Variants in DST observed in about 807,000 individuals in gnomAD.
The protein encoded by DST is dystonin, also known as bullous pemphigoid antigen.
DST carries 253 observed loss-of-function variants against 875.2 expected under a neutral mutation model. The observed-to-expected ratio is 0.29, with a 90% CI of 0.26 to 0.32. The LOEUF (loss-of-function observed/expected upper bound fraction) is 0.32. DST is among the 10% of genes least tolerant of loss of function. The probability of loss-of-function intolerance (pLI) is 1.00; values close to 1 mark genes in which losing one functional copy is unlikely to be tolerated. For missense variants in DST, 8,287 were observed against 9,111.6 expected, an observed-to-expected ratio of 0.91 and a Z score of 3.68; for synonymous variants, 3,124 against 3,197.1, an observed-to-expected ratio of 0.98 and a Z score of 0.77.
intron 4 of DST, among the ~76,000 whole-genome samples, chr6:56,833,910 A>G (rs550471698): frequency 1.2e-4 from 18 of 152,168 alleles, no homozygotes; most frequent in African/African-American, 4.1e-4. Context: ...CCAAAACTCA[A>G]CAATAAAAAA....
At chr6:56,602,604 A>G (rs957481529) in intron 43 of DST, among the ~76,000 whole-genome samples, 1 of 152,020 alleles carries the variant, frequency 6.6e-6, no homozygotes, top group African/African-American at 2.4e-5. Flanking sequence ...ATACTATTAT[A>G]TATTTATGTG....
chr6:56,645,804 C>A, intron 15 of DST, 62 bp downstream of exon 15: 1 of 1,578,536 alleles, frequency 6.3e-7, no homozygotes, highest in Non-Finnish European at 8.6e-7. Flanking sequence ...TAAGTTCTTT[C>A]ACAAGAACAC....
chr6:56,795,183 C>T (rs186411250), intron 4 of DST, among the ~76,000 whole-genome samples: 20 of 151,976 alleles, frequency 1.3e-4, no homozygotes, highest in Non-Finnish European at 2.1e-4. Context: ...TCCTTAAATA[C>T]AAACAGGAGT....
chr6:56,543,353 A>G (rs1282993282), intron 61 of DST, among the ~76,000 whole-genome samples: 1 of 152,178 alleles, frequency 6.6e-6, no homozygotes, highest in Non-Finnish European at 1.5e-5. Context: ...TCTCCAGAGT[A>G]AAGTATTCCT....
intron 4 of DST, among the ~76,000 whole-genome samples, chr6:56,810,586 G>T (rs1489048907): frequency 6.6e-6 from 1 of 151,874 alleles, no homozygotes; most frequent in South Asian, 2.1e-4. Context: ...GAAATATGTG[G>T]TATGTAATGT....
chr6:56,794,103 G>T (rs550545569), intron 4 of DST, among the ~76,000 whole-genome samples: 1 of 152,244 alleles, frequency 6.6e-6, no homozygotes, highest in African/African-American at 2.4e-5. Flanking sequence ...TTAACTTTCA[G>T]TCCAACTGAT....
chr6:56,560,446 A>C, intron 57 of DST, 23 bp from the exon 58 acceptor site: 2 of 1,571,626 alleles, frequency 1.3e-6, no homozygotes, highest in East Asian at 4.6e-5. Context: ...AAATAATAAT[A>C]AATCATGTGT....
At chr6:56,573,316 G>C (rs1193580468) in intron 51 of DST, among the ~76,000 whole-genome samples, 2 of 152,194 alleles carry the variant, frequency 1.3e-5, no homozygotes, top group Admixed American at 1.3e-4. Flanking sequence ...GCAACCCCTA[G>C]AATCTAATGG....
At chr6:56,795,192 G>A (rs1337280888) in intron 4 of DST, among the ~76,000 whole-genome samples, 1 of 151,932 alleles carries the variant, frequency 6.6e-6, no homozygotes, top group Non-Finnish European at 1.5e-5. Context: ...ACAAACAGGA[G>A]TCCATAAAAG....
chr6:56,519,635 T>C (rs1317841082), intron 69 of DST, among the ~76,000 whole-genome samples: 1 of 152,066 alleles, frequency 6.6e-6, no homozygotes, highest in East Asian at 1.9e-4. Flanking sequence ...TGCACTGTGG[T>C]ACCAGTAGAG....
chr6:56,517,667 G>A, intron 69 of DST, 47 bp from the exon 70 acceptor site: 4 of 1,568,332 alleles, frequency 2.6e-6, no homozygotes, highest in South Asian at 1.2e-5. Flanking sequence ...CGTTCCTGAT[G>A]CCAGAAAATA....
At position 56,470,227 on chromosome 6, in the gene DST, A is replaced by G. The variant is rs757599796; in HGVS notation, c.22377T>C (p.Asp7459=). ...CATAGTAGTCAATATATCCATCGCC[A>G]TCTCTGTCAAAGATGTCTGCAACTG... ...MSAVADIFDR[D]GDGYIDYYEF... is the part of the protein sequence containing the mutation. Residue 7459 remains aspartate (D), a synonymous_variant, in exon 96 of 104, where the codon GAT becomes GAC. Transcript: ENST00000680361. 26 of 1,611,370 alleles carry G rather than the reference A, an allele frequency of 1.6e-5. No homozygotes were observed. Among genetic ancestry groups the G allele is most frequent in the Non-Finnish European group, 2.1e-5 (25 of 1,178,640 alleles).
intron 22 of DST, 94 bp downstream of exon 22, chr6:56,639,165 G>T (rs2098856344): frequency 2.8e-6 from 3 of 1,074,160 alleles, no homozygotes; most frequent in Non-Finnish European, 4.2e-6. Flanking sequence ...AAAGTTAGAT[G>T]GCTTGTAATT....
intron 5 of DST, among the ~76,000 whole-genome samples, chr6:56,721,321 G>C (rs2099415694): frequency 1.3e-5 from 2 of 152,232 alleles, no homozygotes; most frequent in Admixed American, 1.3e-4. Flanking sequence ...AATTATCACA[G>C]GGTCCTGAGG....
Position 56,598,700 on chromosome 6 carries a change from T to G in DST, c.11704A>C (p.Lys3902Gln). The change falls in exon 46 of 104, where the codon AAA becomes CAA. Residue 3902 changes from lysine (K) to glutamine (Q), a missense_variant. By Grantham distance (53) the Lys-to-Gln change is moderately conservative. Transcript: ENST00000680361. The part of the protein sequence containing the change: ...KYQSKQEELQ[K>Q]DMQGSAQALA... ...GCCTGTGCACTTCCTTGCATATCTTTCTGTAATTCCTTATAACACAAAAGG... is the reference window on the plus strand; with the variant it reads ...GCCTGTGCACTTCCTTGCATATCTTGCTGTAATTCCTTATAACACAAAAGG... The G allele has an allele frequency of 1.9e-6, 3 of 1,574,084 alleles. No individual in the cohort carries two copies.
At chr6:56,851,687 C>T in intron 3 of DST, 83 bp from the exon 4 acceptor site, 1 of 1,553,598 alleles carries the variant, frequency 6.4e-7, no homozygotes, top group Non-Finnish European at 8.7e-7. Context: ...CCACCAACCA[C>T]CGCCGCCCTC....
In DST at chr6:56,553,475, G is replaced by A; in HGVS notation, c.15317C>T (p.Thr5106Ile). The A allele has an allele frequency of 6.2e-7, 1 of 1,613,346 alleles. No individual in the cohort carries two copies. The highest frequency in any genetic ancestry group is 1.7e-5 in the Admixed American group (1 of 59,948). Residue 5106 changes from threonine to isoleucine, a missense_variant, in exon 61 of 104, where the codon ACT becomes ATT. By Grantham distance (89) the Thr-to-Ile change is moderately conservative. Transcript: ENST00000680361. ...LIKDHKDFSK[T>I]LTAQSHMYEK... ...ATACATATGAGACTGAGCGGTCAAAGTTTTACTAAAGTCTTTATGATCTTT... is the reference window on the plus strand; with the variant it reads ...ATACATATGAGACTGAGCGGTCAAAATTTTACTAAAGTCTTTATGATCTTT...
At chr6:56,498,679 T>C (rs1044174148) in intron 80 of DST, among the ~76,000 whole-genome samples, 2 of 152,192 alleles carry the variant, frequency 1.3e-5, no homozygotes, top group African/African-American at 4.8e-5. Context: ...AAAATTATCA[T>C]GTCTAAGGCA....
chr6:56,620,343 C>G (rs773581650), intron 36 of DST: 3 of 1,614,062 alleles, frequency 1.9e-6, no homozygotes, highest in South Asian at 2.2e-5. Flanking sequence ...TTCTCTTCCA[C>G]GGCAGCTCTT....
Sources: gnomAD v4.1 joint callset for allele counts (sites outside exome capture counted in the v4.1 genomes callset) on GRCh38, gnomAD v4.1.1 for gene constraint, MANE v1.5 for transcripts, NCBI Gene and HGNC (gene_info 2026-07-23, HGNC 2026-07-21) for gene names.